The following EXOC4 variants were observed in gnomAD, a reference collection of about 807,000 sequenced individuals.
EXOC4 encodes the protein SEC8-like 1.
A neutral mutation model predicts 107.2 loss-of-function variants in EXOC4; 71 were observed. The ratio of observed to expected loss-of-function variants is 0.66; its 90% confidence interval spans 0.55 to 0.81. The LOEUF is 0.81. Among genes scored for constraint, EXOC4 ranks in the 30% least tolerant of loss-of-function variants. The probability of loss-of-function intolerance (pLI) is 0.00; values close to 1 mark genes in which losing one functional copy is unlikely to be tolerated. For synonymous variants in EXOC4, 456 were observed against 441.2 expected (o/e 1.03, Z -0.42); for missense variants, 1,108 against 1,189.6 (o/e 0.93, Z 1.01).
chr7:133,883,823 TG>T (rs1347769257), intron 11 of EXOC4, among the ~76,000 whole-genome samples: 5 of 152,226 alleles, frequency 3.3e-5, no homozygotes, highest in Non-Finnish European at 7.3e-5. Context: ...CACCAGCTCT[TG>T]GATGTATAGC....
At chr7:133,917,533 G>C (rs1488612259) in intron 12 of EXOC4, 50 bp from the exon 13 acceptor site, 4 of 1,571,974 alleles carry the variant, frequency 2.5e-6, no homozygotes, top group Middle Eastern at 3.4e-4. Flanking sequence ...AATGCTAACT[G>C]AATACCAGGC....
intron 1 of EXOC4, 166 bp downstream of exon 1, chr7:133,253,353 C>T (rs1275886027): frequency 1.9e-5 from 26 of 1,404,862 alleles, no homozygotes; most frequent in Non-Finnish European, 2.2e-5. Context: ...CAGCAATTCC[C>T]CCTCCACCTT....
intron 14 of EXOC4, among the ~76,000 whole-genome samples, chr7:133,945,200 A>G (rs554434245): frequency 9.2e-5 from 14 of 152,278 alleles, no homozygotes; most frequent in African/African-American, 3.1e-4. Flanking sequence ...AGAGAAACCT[A>G]TGTTGTAAAG....
At chr7:133,760,995 A>G (rs536478061) in intron 10 of EXOC4, among the ~76,000 whole-genome samples, 1 of 152,292 alleles carries the variant, frequency 6.6e-6, no homozygotes, top group Non-Finnish European at 1.5e-5. Flanking sequence ...AAAAAACAAG[A>G]TGGCAAATTC....
intron 5 of EXOC4, among the ~76,000 whole-genome samples, chr7:133,348,189 T>C (rs1200963262): frequency 6.6e-6 from 1 of 152,250 alleles, no homozygotes; most frequent in Admixed American, 6.5e-5. Context: ...TGGTTGATTA[T>C]ATTATCCTTT....
At chr7:133,431,151 T>C (rs1797847382) in intron 7 of EXOC4, among the ~76,000 whole-genome samples, 2 of 152,364 alleles carry the variant, frequency 1.3e-5, no homozygotes, top group East Asian at 3.9e-4. Flanking sequence ...TGCCAAATTC[T>C]TGCCTTCAAA....
chr7:133,480,174 C>T (rs759044539), intron 9 of EXOC4, 36 bp downstream of exon 9: 1 of 1,608,224 alleles, frequency 6.2e-7, no homozygotes, highest in Non-Finnish European at 8.5e-7. Flanking sequence ...AATTAATTTT[C>T]TGGAGGAGTA....
intron 3 of EXOC4, among the ~76,000 whole-genome samples, chr7:133,293,845 A>G (rs968343951): frequency 1.3e-5 from 2 of 152,196 alleles, no homozygotes; most frequent in Non-Finnish European, 2.9e-5. Flanking sequence ...GTCACATTGA[A>G]ATCAGAGACT....
intron 17 of EXOC4, among the ~76,000 whole-genome samples, chr7:134,045,315 A>C (rs1795624284): frequency 1.3e-5 from 2 of 152,214 alleles, no homozygotes; most frequent in Non-Finnish European, 2.9e-5. Flanking sequence ...AGAAAGTTCA[A>C]AGGCATTTAG....
intron 10 of EXOC4, among the ~76,000 whole-genome samples, chr7:133,645,391 C>T (rs12707111): frequency 0.16 from 24,148 of 151,796 alleles, 2,280 homozygotes; most frequent in South Asian, 0.23. Flanking sequence ...CACACCTGGC[C>T]CTCTATCACC....
intron 10 of EXOC4, among the ~76,000 whole-genome samples, chr7:133,771,053 C>CAT (rs1796234343): frequency 1.3e-5 from 2 of 151,960 alleles, no homozygotes; most frequent in African/African-American, 4.8e-5. Flanking sequence ...ACAGAAGAGG[C>CAT]TGCAGGCAGT....
At chr7:133,747,527 T>C (rs1414321407) in intron 10 of EXOC4, among the ~76,000 whole-genome samples, 1 of 152,190 alleles carries the variant, frequency 6.6e-6, no homozygotes, top group Non-Finnish European at 1.5e-5. Context: ...TTATAGTATA[T>C]AGTAACATTT....
intron 10 of EXOC4, among the ~76,000 whole-genome samples, chr7:133,631,952 A>T (rs1802601870): frequency 1.3e-5 from 2 of 152,116 alleles, no homozygotes; most frequent in Non-Finnish European, 2.9e-5. Context: ...TTTATTCCCA[A>T]GTAGAAAAGA....
chr7:133,576,585 T>G, intron 9 of EXOC4: 1 of 1,289,780 alleles, frequency 7.8e-7, no homozygotes, highest in African/African-American at 1.5e-5. Flanking sequence ...CCCAGATCTA[T>G]AAAGCGGATT....
At chr7:133,453,115 TAG>T (rs1475388283) in intron 7 of EXOC4, among the ~76,000 whole-genome samples, 1 of 152,228 alleles carries the variant, frequency 6.6e-6, no homozygotes, top group African/African-American at 2.4e-5. Flanking sequence ...GAAAAATCTG[TAG>T]ACTGTGAGAA....
At chr7:133,883,634 GA>G (rs534239646) in intron 11 of EXOC4, among the ~76,000 whole-genome samples, 169 of 149,564 alleles carry the variant, frequency 1.1e-3, no homozygotes, top group Admixed American at 1.6e-3. Context: ...ATCTCAGGGG[GA>G]AAAAAAAAAT....
intron 3 of EXOC4, among the ~76,000 whole-genome samples, chr7:133,299,648 C>T (rs751266839): frequency 9.9e-5 from 15 of 152,072 alleles, no homozygotes; most frequent in African/African-American, 1.9e-4. Flanking sequence ...TTTTATTTTC[C>T]GAGATAGATC....
intron 13 of EXOC4, among the ~76,000 whole-genome samples, chr7:133,918,093 C>T (rs1799851512): frequency 6.6e-6 from 1 of 151,924 alleles, no homozygotes; most frequent in Admixed American, 6.5e-5. Flanking sequence ...CGCCATTCTC[C>T]TGCCTCAGCC....
intron 7 of EXOC4, chr7:133,396,047 T>A (rs1201726902): frequency 6.6e-6 from 1 of 152,186 alleles, no homozygotes; most frequent in African/African-American, 2.4e-5. Flanking sequence ...GTAGTGGTTT[T>A]CAAAGAGTGG....
Sources: gnomAD v4.1 joint callset for allele counts (sites outside exome capture counted in the v4.1 genomes callset) on GRCh38, gnomAD v4.1.1 for gene constraint, MANE v1.5 for transcripts, NCBI Gene and HGNC (gene_info 2026-07-23, HGNC 2026-07-21) for gene names.